Variants in TXNDC8 observed in about 807,000 individuals in gnomAD.
TXNDC8 encodes the protein thioredoxin domain-containing protein 8.
TXNDC8 carries 15 observed loss-of-function variants against 12.9 expected under a neutral mutation model. That is an observed-to-expected ratio of 1.16 (90% CI 0.78 to 1.79). The LOEUF (loss-of-function observed/expected upper bound fraction) is 1.79. Ranked by LOEUF, TXNDC8 falls within the 40% of genes most tolerant of loss-of-function variation. The pLI is 0.00. For synonymous variants in TXNDC8, 40 were observed against 35.4 expected (o/e 1.13, Z -0.46); for missense variants, 128 against 113.2 (o/e 1.13, Z -0.59).
rs554469921 is a variant in TXNDC8, at chr9:110,312,830, T to C, written c.196-8298A>G. On this transcript the variant is annotated intron_variant, in intron 3 of 4. Coordinates refer to ENST00000423740, the MANE Select transcript of TXNDC8 (RefSeq NM_001286946.2). ...TCTGTTGTTAGATTCTAGTCTTGCC[T>C]AATGTTTTTCCATTTATATTATTTT... Among the ~76,000 whole-genome samples the C allele has an allele frequency of 9.2e-5, 14 of 152,366 alleles. No individual in the cohort carries two copies. In the East Asian group the frequency reaches 2.5e-3, roughly 27 times the overall value.
chr9:110,335,553 G>A (rs1240703210), intron 1 of TXNDC8, among the ~76,000 whole-genome samples: 2 of 152,206 alleles, frequency 1.3e-5, no homozygotes, highest in Non-Finnish European at 2.9e-5. Flanking sequence ...TACAACGTGT[G>A]TACTATTATT....
At chr9:110,327,028 A>T (rs1839351934) in intron 2 of TXNDC8, among the ~76,000 whole-genome samples, 1 of 152,128 alleles carries the variant, frequency 6.6e-6, no homozygotes, top group Non-Finnish European at 1.5e-5. Flanking sequence ...ATAACAACTG[A>T]TACATAAATT....
intron 3 of TXNDC8, among the ~76,000 whole-genome samples, chr9:110,305,839 T>G (rs1838448506): frequency 1.4e-5 from 2 of 139,144 alleles, no homozygotes; most frequent in Admixed American, 1.5e-4. Context: ...TTCTTTTCCT[T>G]TCTTTTCTTT....
At chr9:110,333,211 C>T (rs1443548926) in intron 2 of TXNDC8, among the ~76,000 whole-genome samples, 1 of 152,120 alleles carries the variant, frequency 6.6e-6, no homozygotes, top group African/African-American at 2.4e-5. Context: ...GGCTGCACAA[C>T]GGGAGGTGAG....
chr9:110,309,203 A>G (rs1838569239), intron 3 of TXNDC8, among the ~76,000 whole-genome samples: 1 of 152,194 alleles, frequency 6.6e-6, no homozygotes, highest in African/African-American at 2.4e-5. Flanking sequence ...AGCTCGGAAG[A>G]GAAACAACAT....
intron 2 of TXNDC8, 37 bp from the exon 4 acceptor site, chr9:110,326,277 T>G (rs959000091): frequency 1.2e-6 from 2 of 1,608,552 alleles, no homozygotes; most frequent in Non-Finnish European, 1.7e-6. Flanking sequence ...GTTACAGTAT[T>G]GGTGTCCTCT....
At chr9:110,325,137 A>T (rs1839257309) in intron 3 of TXNDC8, among the ~76,000 whole-genome samples, 1 of 152,076 alleles carries the variant, frequency 6.6e-6, no homozygotes, top group Admixed American at 6.5e-5. Context: ...CCGAAAAAAA[A>T]AGAACAAAGT....
rs367804497 is a variant in TXNDC8 at position 110,326,228 on chromosome 9, T to C, written c.142A>G (p.Thr48Ala). Residue 48 changes from threonine (T) to alanine (A), a missense_variant, in exon 3 of 5, where the codon ACT becomes GCT. Transcript: ENST00000423740. The stretch of plus-strand genomic sequence containing the variant: ...GTGGGTATTGTTTTGATGTGACAAG[T>C]TTCAGCCAGCTCCTGGGAAAGCAAA... 2 of 1,613,996 alleles carry C rather than the reference T, an allele frequency of 1.2e-6. No individual in the cohort carries two copies. The highest frequency in any genetic ancestry group is 1.7e-6 in the Non-Finnish European group (2 of 1,179,952).
chr9:110,323,106 C>G (rs1587976630), intron 3 of TXNDC8: 1 of 985,266 alleles, frequency 1.0e-6, no homozygotes, highest in African/African-American at 1.7e-5. Flanking sequence ...GGATGCCATA[C>G]AGGGAGCTGT....
At chr9:110,323,615 G>T in intron 3 of TXNDC8, 1 of 306,566 alleles carries the variant, frequency 3.3e-6, no homozygotes, top group Non-Finnish European at 5.8e-6. Flanking sequence ...CACCAGATAT[G>T]TTCATCAGAA....
chr9:110,326,470 C>T (rs1322342773), intron 2 of TXNDC8, among the ~76,000 whole-genome samples: 1 of 152,120 alleles, frequency 6.6e-6, no homozygotes, highest in Non-Finnish European at 1.5e-5. Context: ...GCTTTTTCAT[C>T]CCATAGAACC....
intron 3 of TXNDC8, among the ~76,000 whole-genome samples, chr9:110,320,325 A>G (rs769155864): frequency 5.3e-5 from 8 of 152,280 alleles, no homozygotes; most frequent in Non-Finnish European, 7.3e-5. Context: ...GTGATAGTGA[A>G]TAAGTCTTAT....
downstream of TXNDC8, among the ~76,000 whole-genome samples, chr9:110,303,254 C>G (rs1330158747): frequency 1.3e-5 from 2 of 152,188 alleles, no homozygotes; most frequent in African/African-American, 2.4e-5. Flanking sequence ...TGTGCAGGAC[C>G]TCTCTTGTGA....
chr9:110,313,955 G>A (rs2118756975), intron 3 of TXNDC8, among the ~76,000 whole-genome samples: 2 of 152,238 alleles, frequency 1.3e-5, no homozygotes, highest in Middle Eastern at 6.8e-3. Flanking sequence ...CTTCTAAAAT[G>A]ATTTCTCCAA....
At chr9:110,308,907 C>T (rs1838558425) in intron 3 of TXNDC8, among the ~76,000 whole-genome samples, 2 of 152,212 alleles carry the variant, frequency 1.3e-5, no homozygotes, top group South Asian at 4.1e-4. Context: ...ATTGCATGAC[C>T]TGACCTCTTT....
chr9:110,315,396 C>A (rs370672309), intron 3 of TXNDC8, among the ~76,000 whole-genome samples: 19 of 152,240 alleles, frequency 1.2e-4, no homozygotes, highest in Middle Eastern at 3.4e-3. Context: ...CTGCACCCAG[C>A]CCGGGGCAAT....
intron 2 of TXNDC8, 134 bp downstream of exon 3, chr9:110,329,098 T>G (rs1205475122): frequency 1.9e-5 from 14 of 731,926 alleles, no homozygotes; most frequent in Non-Finnish European, 3.0e-5. Flanking sequence ...GGAAGTTTAC[T>G]GTAGTTATTA....
At chr9:110,331,822 G>A (rs927870006) in intron 2 of TXNDC8, among the ~76,000 whole-genome samples, 11 of 152,192 alleles carry the variant, frequency 7.2e-5, no homozygotes, top group African/African-American at 2.7e-4. Context: ...AGCTCAGGAG[G>A]TAATGCTTAC....
chr9:110,325,027 G>A (rs1839250519), intron 3 of TXNDC8, among the ~76,000 whole-genome samples: 1 of 152,106 alleles, frequency 6.6e-6, no homozygotes, highest in African/African-American at 2.4e-5. Context: ...TAGGAAAATA[G>A]CTTGAACCCA....
Sources: gnomAD v4.1 joint callset for allele counts (sites outside exome capture counted in the v4.1 genomes callset) on GRCh38, gnomAD v4.1.1 for gene constraint, MANE v1.5 for transcripts, NCBI Gene and HGNC (gene_info 2026-07-23, HGNC 2026-07-21) for gene names.